Variants in FRMD4A observed in about 807,000 individuals in gnomAD.
The protein encoded by FRMD4A is FERM domain-containing protein 4A.
FRMD4A carries 29 observed loss-of-function variants against 129.1 expected under a neutral mutation model. That is an observed-to-expected ratio of 0.22 (90% CI 0.17 to 0.31). FRMD4A has a LOEUF of 0.31. Ranked by LOEUF, FRMD4A falls within the 10% of genes least tolerant of loss-of-function variation. FRMD4A has a pLI of 1.00. For synonymous variants in FRMD4A, 634 were observed against 571.6 expected, an observed-to-expected ratio of 1.11 and a Z score of -1.56; for missense variants, 1,272 against 1,375.8, an observed-to-expected ratio of 0.92 and a Z score of 1.19.
intron 15 of FRMD4A, among the ~76,000 whole-genome samples, chr10:13,680,964 A>G (rs373150329): frequency 1.3e-5 from 2 of 152,214 alleles, no homozygotes; most frequent in East Asian, 3.9e-4. Context: ...TTCATCACAT[A>G]TCTGCCATTA....
chr10:13,693,536 A>G (rs1379130219), intron 15 of FRMD4A: 1 of 1,193,332 alleles, frequency 8.4e-7, no homozygotes, highest in African/African-American at 1.6e-5. Context: ...CACAACACAC[A>G]AGTGGGCACA....
intron 15 of FRMD4A, among the ~76,000 whole-genome samples, chr10:13,682,706 T>C (rs1033445182): frequency 1.2e-4 from 18 of 151,902 alleles, no homozygotes; most frequent in African/African-American, 3.1e-4. Flanking sequence ...AGTAGAGATA[T>C]AGTATGTTGG....
intron 2 of FRMD4A, among the ~76,000 whole-genome samples, chr10:14,195,888 A>G (rs141238879): frequency 1.3e-5 from 2 of 152,340 alleles, no homozygotes; most frequent in African/African-American, 4.8e-5. Context: ...AACACATACA[A>G]ACTACGAATC....
At chr10:13,648,279 G>GTA (rs376148605) in intron 24 of FRMD4A, 2 of 152,334 alleles carry the variant, frequency 1.3e-5, no homozygotes, top group African/African-American at 4.8e-5. Flanking sequence ...ATTACTATAT[G>GTA]TAGGTGGTAT....
chr10:13,668,926 T>C (rs907531572), intron 17 of FRMD4A, among the ~76,000 whole-genome samples: 1 of 152,202 alleles, frequency 6.6e-6, no homozygotes, highest in Non-Finnish European at 1.5e-5. Context: ...AACTGTTTGC[T>C]GAGCATCACA....
chr10:13,863,137 AGG>A (rs2094317110), intron 2 of FRMD4A, among the ~76,000 whole-genome samples: 1 of 152,152 alleles, frequency 6.6e-6, no homozygotes, highest in East Asian at 1.9e-4. Flanking sequence ...GTGATTCTAA[AGG>A]AAATACGAAA....
In FRMD4A at chr10:13,858,871, G is replaced by A. The variant is rs1269330758; in HGVS notation, c.87C>T (p.Asp29=). The A allele has an allele frequency of 3.1e-6, 5 of 1,606,262 alleles. No homozygotes were observed. The Admixed American group carries it at 5.0e-5, about 16-fold the overall frequency. The change falls in exon 3 of 25, where the codon GAC becomes GAT. Residue 29 remains aspartate, a synonymous_variant. Coordinates refer to ENST00000357447, the MANE Select transcript of FRMD4A (RefSeq NM_018027.5). ...GRRCQVHLLD[D]RKLELLVQPK... The stretch of plus-strand genomic sequence containing the variant: ...CCTGTACTAGGAGTTCCAGCTTCCT[G>A]TCATCAAGAAGATGTACTTGACATC...
chr10:14,000,194 G>A (rs943232035), intron 2 of FRMD4A, among the ~76,000 whole-genome samples: 2 of 152,180 alleles, frequency 1.3e-5, no homozygotes, highest in African/African-American at 2.4e-5. Context: ...ATGTAGGATA[G>A]ATAATATTAT....
chr10:13,711,595 A>G (rs1448927504), intron 12 of FRMD4A, among the ~76,000 whole-genome samples: 3 of 152,258 alleles, frequency 2.0e-5, no homozygotes, highest in Non-Finnish European at 4.4e-5. Context: ...GCCTATGGCC[A>G]ATTATATCCA....
At position 13,891,673 on chromosome 10, in the gene FRMD4A, C is replaced by T. The variant is rs550191485; in HGVS notation, c.46-32761G>A. 1.5e-5 allele frequency: 15 copies of T among 985,262 alleles called. No individual in the cohort carries two copies. In the East Asian group the frequency reaches 1.5e-3, roughly 97 times the overall value. 61.0% of individuals were successfully genotyped at this position (985,262 alleles called of 1,614,324 possible). ...GATCCGAGGAACTTCTGGCTGCAAG[C>T]GGCTGGTACCCCGGAACGGGCGTCC... On this transcript the variant is annotated intron_variant, in intron 2 of 24. Coordinates refer to ENST00000357447, the MANE Select transcript of FRMD4A (RefSeq NM_018027.5).
At chr10:13,949,222 C>A (rs11258745) in intron 2 of FRMD4A, among the ~76,000 whole-genome samples, 1 of 142,078 alleles carries the variant, frequency 7.0e-6, no homozygotes, top group Admixed American at 7.4e-5. Flanking sequence ...CTGCTATTGA[C>A]AATCAGGGTG....
At chr10:13,907,425 T>G (rs555835649) in intron 2 of FRMD4A, among the ~76,000 whole-genome samples, 8 of 152,188 alleles carry the variant, frequency 5.3e-5, no homozygotes, top group African/African-American at 1.7e-4. Context: ...ATTAAGTAAC[T>G]TGCCAAAAGT....
chr10:14,320,213 G>A (rs1180795369), intron 2 of FRMD4A, among the ~76,000 whole-genome samples: 2 of 152,058 alleles, frequency 1.3e-5, no homozygotes, highest in African/African-American at 4.8e-5. Context: ...CATTAAGTCA[G>A]TCCAATCCAA....
intron 3 of FRMD4A, 151 bp from the exon 4 acceptor site, chr10:13,811,059 A>T (rs771171730): frequency 9.3e-6 from 5 of 540,516 alleles, no homozygotes; most frequent in Non-Finnish European, 6.7e-6. Context: ...AAACAAATAG[A>T]CAATGACACT....
intron 2 of FRMD4A, among the ~76,000 whole-genome samples, chr10:14,088,785 CAAAA>C (rs58056105): frequency 1.2e-4 from 9 of 73,842 alleles, no homozygotes; most frequent in East Asian, 4.3e-4. Flanking sequence ...GACTCTGTCT[CAAAA>C]AAAAAAAAAA....
At chr10:13,826,923 C>T (rs532591934) in intron 3 of FRMD4A, among the ~76,000 whole-genome samples, 1 of 152,278 alleles carries the variant, frequency 6.6e-6, no homozygotes, top group East Asian at 1.9e-4. Context: ...AAAACAGACA[C>T]GTGTCCTCGG....
chr10:14,302,991 G>T (rs1846233567), intron 2 of FRMD4A, among the ~76,000 whole-genome samples: 1 of 152,194 alleles, frequency 6.6e-6, no homozygotes, highest in African/African-American at 2.4e-5. Flanking sequence ...ACATTGAAAA[G>T]ATGGATATCT....
At chr10:14,173,297 A>G (rs72778622) in intron 2 of FRMD4A, among the ~76,000 whole-genome samples, 4,790 of 152,332 alleles carry the variant, frequency 0.031, 86 homozygotes, top group Middle Eastern at 0.054. Flanking sequence ...CTTATAATGG[A>G]AAACCCCACG....
At chr10:13,830,550 C>G (rs1243482892) in intron 3 of FRMD4A, among the ~76,000 whole-genome samples, 1 of 152,284 alleles carries the variant, frequency 6.6e-6, no homozygotes, top group African/African-American at 2.4e-5. Flanking sequence ...GATCCATAGC[C>G]CACTTCCAGT....
Sources: allele counts gnomAD v4.1 joint callset (sites outside exome capture counted in the v4.1 genomes callset), GRCh38; gene constraint gnomAD v4.1.1; transcripts MANE v1.5; gene names NCBI Gene and HGNC (gene_info 2026-07-23, HGNC 2026-07-21).